Variants in PBX1 observed in about 807,000 individuals in gnomAD.
The protein encoded by PBX1 is PBX homeobox 1, also known as pre-B-cell leukemia transcription factor 1.
In PBX1, 6 loss-of-function variants were observed where a neutral mutation model predicts 53.4. The observed-to-expected ratio is 0.11, with a 90% confidence interval of 0.06 to 0.22. The LOEUF (loss-of-function observed/expected upper bound fraction) is 0.22. PBX1 is among the 10% of genes least tolerant of loss of function. The pLI is 1.00. For missense variants in PBX1, 251 were observed against 551.4 expected (o/e 0.46, Z 5.46); for synonymous variants, 204 against 212.3 (o/e 0.96, Z 0.34).
intron 2 of PBX1, among the ~76,000 whole-genome samples, chr1:164,634,056 CTT>C (rs1337048002): frequency 6.6e-6 from 1 of 152,224 alleles, no homozygotes; most frequent in Non-Finnish European, 1.5e-5. Context: ...TGAACAGTTT[CTT>C]CCTTGTGAGC....
Position 164,849,183 on chromosome 1 carries a change from T to A in PBX1, c.*2507T>A. 2.8e-6 allele frequency: 4 copies of A among 1,426,336 alleles called. No individual in the cohort carries two copies. The highest frequency in any genetic ancestry group is 3.7e-6 in the Non-Finnish European group (4 of 1,088,046). 88.4% of individuals were successfully genotyped at this position (1,426,336 alleles called of 1,614,324 possible). On this transcript the variant is annotated 3_prime_UTR_variant, in exon 9 of 9. Transcript: ENST00000420696. ...TGGAAACAAGAAGAGTGACTCCAGATGTGGCCTGAATAATTGCCATGTTAA... is the reference window on the plus strand; with the variant it reads ...TGGAAACAAGAAGAGTGACTCCAGAAGTGGCCTGAATAATTGCCATGTTAA...
chr1:164,885,568 G>C (rs1672757902), intron 2 of PBX1, among the ~76,000 whole-genome samples: 1 of 152,144 alleles, frequency 6.6e-6, no homozygotes, highest in Non-Finnish European at 1.5e-5. Flanking sequence ...GCAGGTGTGT[G>C]GTACACTAGC....
intron 2 of PBX1, chr1:164,884,515 TAA>T (rs1476742609): frequency 2.0e-6 from 1 of 499,032 alleles, no homozygotes; most frequent in South Asian, 1.6e-5. Context: ...AGTTGTGAGT[TAA>T]ACTGGAATTT....
At chr1:164,797,235 A>T (rs1208795601) in intron 3 of PBX1, among the ~76,000 whole-genome samples, 1 of 152,192 alleles carries the variant, frequency 6.6e-6, no homozygotes, top group Non-Finnish European at 1.5e-5. Flanking sequence ...TTATTAGCTG[A>T]GCACTGTGGC....
At chr1:164,765,991 G>C (rs1002761275) in intron 2 of PBX1, among the ~76,000 whole-genome samples, 2 of 152,172 alleles carry the variant, frequency 1.3e-5, no homozygotes, top group African/African-American at 4.8e-5. Context: ...ATGCCGTTGG[G>C]GGAAAAAAGA....
At chr1:164,856,005 G>A (rs1403863090), downstream of PBX1, among the ~76,000 whole-genome samples, 1 of 152,112 alleles carries the variant, frequency 6.6e-6, no homozygotes, top group Non-Finnish European at 1.5e-5. Flanking sequence ...TTTAAACCCT[G>A]CATTCCTAAT....
At chr1:164,828,959 T>C (rs1435152159) in intron 8 of PBX1, 2 of 152,228 alleles carry the variant, frequency 1.3e-5, no homozygotes, top group African/African-American at 4.8e-5. Flanking sequence ...CTGGCTACAT[T>C]TGAGTTTGAG....
At chr1:164,593,021 G>A (rs758870950) in intron 2 of PBX1, among the ~76,000 whole-genome samples, 1 of 151,480 alleles carries the variant, frequency 6.6e-6, no homozygotes, top group Non-Finnish European at 1.5e-5. Flanking sequence ...GCAGTGCCGT[G>A]ATCTTGGCTC....
intron 2 of PBX1, among the ~76,000 whole-genome samples, chr1:164,787,991 A>C (rs1668289655): frequency 6.6e-6 from 1 of 152,166 alleles, no homozygotes; most frequent in Admixed American, 6.5e-5. Context: ...CTGCCTGGCC[A>C]TTAAAACCCT....
intron 2 of PBX1, among the ~76,000 whole-genome samples, chr1:164,629,716 A>T (rs1305165069): frequency 6.6e-6 from 1 of 152,234 alleles, no homozygotes; most frequent in Non-Finnish European, 1.5e-5. Context: ...AGCCACTGCA[A>T]CATTTCTGTA....
rs185390868 is a variant in PBX1 at position 164,711,558 on chromosome 1, C to T, written c.266-80936C>T. ...GATTACAGGCGTGAGCCACTGCGCCCGGCTAGTTTTCTCTTTTTGTCGTGT... is the reference window on the plus strand; with the variant it reads ...GATTACAGGCGTGAGCCACTGCGCCTGGCTAGTTTTCTCTTTTTGTCGTGT... On this transcript the variant is annotated intron_variant, in intron 2 of 8. Coordinates refer to ENST00000420696, the MANE Select transcript of PBX1 (RefSeq NM_002585.4). Among the ~76,000 whole-genome samples, 119 of 152,356 alleles carry T rather than the reference C, an allele frequency of 7.8e-4. No individual in the cohort carries two copies. The Middle Eastern group carries it at 0.014, about 17-fold the overall frequency.
At chr1:164,782,191 A>G (rs1037525725) in intron 2 of PBX1, among the ~76,000 whole-genome samples, 1 of 152,088 alleles carries the variant, frequency 6.6e-6, no homozygotes, top group East Asian at 1.9e-4. Flanking sequence ...AGCCCAGCTC[A>G]TGGGCCGGGG....
chr1:164,876,271 C>T (rs1323933435), intron 2 of PBX1, among the ~76,000 whole-genome samples: 3 of 151,842 alleles, frequency 2.0e-5, no homozygotes, highest in Non-Finnish European at 4.4e-5. Flanking sequence ...AAATGGATGG[C>T]GCAGCAGCGT....
chr1:164,603,928 C>CTTTT (rs1557885817), intron 2 of PBX1, among the ~76,000 whole-genome samples: 50 of 48,706 alleles, frequency 1.0e-3, no homozygotes, highest in East Asian at 3.0e-3. Flanking sequence ...TATGTCATTT[C>CTTTT]ATTTTTTTTT....
chr1:164,816,342 A>G (rs1669879670), intron 6 of PBX1: 1 of 152,186 alleles, frequency 6.6e-6, no homozygotes, highest in South Asian at 2.1e-4. Context: ...AAAAGGGCCT[A>G]TCCTTTGAGC....
At chr1:164,765,327 G>A (rs1667008704) in intron 2 of PBX1, among the ~76,000 whole-genome samples, 1 of 152,216 alleles carries the variant, frequency 6.6e-6, no homozygotes, top group Non-Finnish European at 1.5e-5. Context: ...TACATGTGCA[G>A]TGGAGTGGGC....
At chr1:164,635,068 T>C (rs1329914553) in intron 2 of PBX1, among the ~76,000 whole-genome samples, 1 of 125,470 alleles carries the variant, frequency 8.0e-6, no homozygotes, top group African/African-American at 3.2e-5. Flanking sequence ...TTAGAGAAGG[T>C]AGAAGTGTGT....
At chr1:164,764,799 C>T (rs1666983183) in intron 2 of PBX1, among the ~76,000 whole-genome samples, 1 of 152,162 alleles carries the variant, frequency 6.6e-6, no homozygotes, top group Non-Finnish European at 1.5e-5. Flanking sequence ...AACCTTTGCA[C>T]AACCCTATAG....
chr1:164,667,945 C>T (rs1161873792), intron 2 of PBX1, among the ~76,000 whole-genome samples: 1 of 152,186 alleles, frequency 6.6e-6, no homozygotes, highest in African/African-American at 2.4e-5. Context: ...AGCAGGCTGT[C>T]CTGGCTGTAC....
Sources: gnomAD v4.1 joint callset for allele counts (sites outside exome capture counted in the v4.1 genomes callset) on GRCh38, gnomAD v4.1.1 for gene constraint, MANE v1.5 for transcripts, NCBI Gene and HGNC (gene_info 2026-07-23, HGNC 2026-07-21) for gene names.